Variants in CYRIA observed in about 807,000 individuals in gnomAD.
CYRIA encodes CYFIP-related Rac1 interactor A.
In CYRIA, 15 loss-of-function variants were observed where a neutral mutation model predicts 43.9. The ratio of observed to expected loss-of-function variants is 0.34; its 90% CI spans 0.23 to 0.53. The LOEUF (loss-of-function observed/expected upper bound fraction) is 0.53, where lower values mean the gene tolerates loss of function less well. Among genes scored for constraint, CYRIA ranks in the 20% least tolerant of loss-of-function variants. CYRIA has a pLI of 0.94. For synonymous variants in CYRIA, 117 were observed against 136.0 expected (o/e 0.86, Z 0.97); for missense variants, 236 against 394.2 (o/e 0.60, Z 3.40).
intron 2 of CYRIA, 56 bp from the exon 3 acceptor site, chr2:16,588,185 G>T (rs1183042207): frequency 8.4e-7 from 1 of 1,189,110 alleles, no homozygotes; most frequent in Non-Finnish European, 1.2e-6. Flanking sequence ...AAATAGACTT[G>T]CGTGAATATC....
intron 1 of CYRIA, among the ~76,000 whole-genome samples, chr2:16,655,243 TC>T (rs1670079643): frequency 6.6e-6 from 1 of 152,196 alleles, no homozygotes; most frequent in Non-Finnish European, 1.5e-5. Context: ...AATCTCCTCT[TC>T]CATCTTGAGA....
chr2:16,618,303 A>G (rs2103502290), intron 2 of CYRIA, among the ~76,000 whole-genome samples: 1 of 152,282 alleles, frequency 6.6e-6, no homozygotes, highest in South Asian at 2.1e-4. Flanking sequence ...TTCTCTTTTT[A>G]AACAATCCTT....
intron 1 of CYRIA, among the ~76,000 whole-genome samples, chr2:16,654,258 A>T (rs1173381782): frequency 6.6e-6 from 1 of 152,192 alleles, no homozygotes; most frequent in Non-Finnish European, 1.5e-5. Flanking sequence ...AAAAAGCACA[A>T]CTTCTTCTTC....
At chr2:16,573,483 A>G (rs949747899) in intron 3 of CYRIA, among the ~76,000 whole-genome samples, 4 of 152,222 alleles carry the variant, frequency 2.6e-5, no homozygotes, top group South Asian at 2.1e-4. Context: ...GAAGACAGAG[A>G]GTAGAATGTT....
At chr2:16,572,011 G>A (rs542639251) in intron 3 of CYRIA, among the ~76,000 whole-genome samples, 6 of 152,174 alleles carry the variant, frequency 3.9e-5, no homozygotes, top group Non-Finnish European at 5.9e-5. Flanking sequence ...ACCAGGGCCC[G>A]AAGCCCTTTT....
In CYRIA at chr2:16,588,045, C is replaced by G; in HGVS notation, c.70+5G>C. The G allele has an allele frequency of 6.3e-7, 1 of 1,589,374 alleles. No individual in the cohort carries two copies. Among genetic ancestry groups the G allele is most frequent in the Non-Finnish European group, 8.6e-7 (1 of 1,163,660 alleles). ...GTTTCCATTATTATAATTTTTGGAA[C>G]TTACTTTCAAAATCCAGGAAAAAGT... is the stretch of plus-strand genomic sequence containing the variant. On this transcript the variant is annotated splice_donor_5th_base_variant and intron_variant, in intron 3 of 11. Coordinates refer to ENST00000381323, the MANE Select transcript of CYRIA (RefSeq NM_030797.4).
chr2:16,561,667 CT>C, intron 6 of CYRIA, 134 bp from the exon 7 acceptor site: 1 of 704,722 alleles, frequency 1.4e-6, no homozygotes, highest in Non-Finnish European at 2.4e-6. Context: ...AAAGCAACTT[CT>C]GGTTAGAAAT....
intron 2 of CYRIA, among the ~76,000 whole-genome samples, chr2:16,600,839 G>C (rs1166508792): frequency 6.6e-6 from 1 of 152,126 alleles, no homozygotes; most frequent in Non-Finnish European, 1.5e-5. Context: ...CACATTGATT[G>C]GGGGGATAAA....
intron 2 of CYRIA, among the ~76,000 whole-genome samples, chr2:16,614,530 G>T (rs1373188137): frequency 6.6e-6 from 1 of 152,154 alleles, no homozygotes; most frequent in East Asian, 1.9e-4. Context: ...CGAACGCTTT[G>T]CCTTTCACCC....
At chr2:16,631,473 G>A (rs1027897508) in intron 1 of CYRIA, among the ~76,000 whole-genome samples, 7 of 152,220 alleles carry the variant, frequency 4.6e-5, no homozygotes, top group African/African-American at 9.7e-5. Context: ...AATTTCATCT[G>A]TAGCTGGATG....
intron 3 of CYRIA, among the ~76,000 whole-genome samples, chr2:16,576,825 T>C (rs925646859): frequency 1.3e-5 from 2 of 152,146 alleles, no homozygotes; most frequent in African/African-American, 4.8e-5. Flanking sequence ...TGGAATATTA[T>C]TCAGTCTTAA....
intron 1 of CYRIA, among the ~76,000 whole-genome samples, chr2:16,659,049 G>A (rs1381863617): frequency 6.6e-6 from 1 of 152,192 alleles, no homozygotes; most frequent in Admixed American, 6.5e-5. Flanking sequence ...CTGAGCAAAG[G>A]ACACCCTGAA....
rs570370851 is a variant in CYRIA at position 16,550,530 on chromosome 2, G to C, written c.*2406C>G. 1 of 152,062 alleles carries C rather than the reference G, an allele frequency of 6.6e-6. No individual in the cohort carries two copies. Among genetic ancestry groups the C allele is most frequent in the South Asian group, 2.1e-4 (1 of 4,828 alleles). The allele number at this position is 152,062 out of a possible 1,614,324, so 9.4% of individuals were successfully genotyped here. Reference sequence around the variant, plus strand: ...AGAATCCATGTACTGCTGAGTCTTGGCTTTGAGACAAGACAAGTCTTGGCT... The same window carrying C: ...AGAATCCATGTACTGCTGAGTCTTGCCTTTGAGACAAGACAAGTCTTGGCT... On this transcript the variant is annotated 3_prime_UTR_variant, in exon 12 of 12. Transcript: ENST00000381323.
At chr2:16,579,532 C>G (rs551032589) in intron 3 of CYRIA, among the ~76,000 whole-genome samples, 1 of 151,358 alleles carries the variant, frequency 6.6e-6, no homozygotes, top group South Asian at 2.1e-4. Flanking sequence ...TATATAGAAG[C>G]AAAATACATA....
At chr2:16,589,356 C>T (rs568664525) in intron 2 of CYRIA, among the ~76,000 whole-genome samples, 7 of 152,220 alleles carry the variant, frequency 4.6e-5, no homozygotes, top group Non-Finnish European at 7.4e-5. Context: ...GATGACTCTG[C>T]GCATGAGAAT....
At chr2:16,646,487 A>C (rs943150555) in intron 1 of CYRIA, among the ~76,000 whole-genome samples, 1 of 152,206 alleles carries the variant, frequency 6.6e-6, no homozygotes, top group African/African-American at 2.4e-5. Context: ...GCAAGGAAAA[A>C]TGGGGCTCTG....
At chr2:16,634,716 A>G (rs1186684134) in intron 1 of CYRIA, among the ~76,000 whole-genome samples, 5 of 152,202 alleles carry the variant, frequency 3.3e-5, no homozygotes, top group African/African-American at 9.7e-5. Context: ...CTAATATGTG[A>G]TCAGCAGCAC....
chr2:16,640,485 C>A (rs1263087135), intron 1 of CYRIA, among the ~76,000 whole-genome samples: 1 of 152,218 alleles, frequency 6.6e-6, no homozygotes, highest in African/African-American at 2.4e-5. Flanking sequence ...ATTGGCCAAG[C>A]GACTAGGCTG....
intron 3 of CYRIA, among the ~76,000 whole-genome samples, chr2:16,576,712 C>T (rs767271227): frequency 2.0e-4 from 31 of 152,018 alleles, no homozygotes; most frequent in Admixed American, 7.2e-4. Flanking sequence ...AAGCTTAGCA[C>T]GTAGAATACC....
Sources: gnomAD v4.1 joint callset for allele counts (sites outside exome capture counted in the v4.1 genomes callset) on GRCh38, gnomAD v4.1.1 for gene constraint, MANE v1.5 for transcripts, NCBI Gene and HGNC (gene_info 2026-07-23, HGNC 2026-07-21) for gene names.